Variants in ZSCAN25 observed in about 807,000 individuals in gnomAD.
The protein encoded by ZSCAN25 is zinc finger and SCAN domain-containing protein 25.
Under a neutral mutation model 38.7 loss-of-function variants are expected in ZSCAN25, and 27 were observed. That is an observed-to-expected ratio of 0.70 (90% CI 0.51 to 0.96). The LOEUF is 0.96. ZSCAN25 is among the 40% of genes least tolerant of loss of function. The probability of loss-of-function intolerance (pLI) is 0.00; values close to 1 mark genes in which losing one functional copy is unlikely to be tolerated. For synonymous variants in ZSCAN25, 273 were observed against 277.7 expected (o/e 0.98, Z 0.17); for missense variants, 637 against 705.9 (o/e 0.90, Z 1.11).
the ZSCAN25 span, among the ~76,000 whole-genome samples, chr7:99,645,739 C>T: frequency 6.6e-6 from 1 of 152,094 alleles, no homozygotes; most frequent in Non-Finnish European, 1.5e-5. Context: ...TGATTGTCGT[C>T]CACATGTATG....
chr7:99,659,878 C>G, the ZSCAN25 span: 4 of 149,726 alleles, frequency 2.7e-5, no homozygotes, highest in African/African-American at 1.0e-4. Flanking sequence ...CCGAGCCATG[C>G]GCGGGATATA....
At chr7:99,627,627 A>G (rs1459141571) in intron 7 of ZSCAN25, among the ~76,000 whole-genome samples, 1 of 152,058 alleles carries the variant, frequency 6.6e-6, no homozygotes, top group Non-Finnish European at 1.5e-5. Context: ...AAAAAAGTCC[A>G]GACAATGTGT....
chr7:99,708,917 C>T, the ZSCAN25 span: 14 of 1,225,036 alleles, frequency 1.1e-5, no homozygotes, highest in Non-Finnish European at 1.7e-5. Flanking sequence ...TTGAAAAAAC[C>T]TTTTAAACAT....
chr7:99,640,244 C>T, the ZSCAN25 span, among the ~76,000 whole-genome samples: 2 of 152,154 alleles, frequency 1.3e-5, no homozygotes, highest in African/African-American at 2.4e-5. Context: ...CTGCAACCTC[C>T]GCCTCCCAGG....
chr7:99,651,096 A>C, the ZSCAN25 span, among the ~76,000 whole-genome samples: 1 of 152,202 alleles, frequency 6.6e-6, no homozygotes, highest in African/African-American at 2.4e-5. Flanking sequence ...TCAAAATAAC[A>C]TGATAGTCAG....
At chr7:99,703,467 GTTTT>G in the ZSCAN25 span, among the ~76,000 whole-genome samples, 2 of 151,668 alleles carry the variant, frequency 1.3e-5, no homozygotes, top group Non-Finnish European at 2.9e-5. Flanking sequence ...GAAATATATG[GTTTT>G]TTTTGTACAC....
In ZSCAN25 at chr7:99,629,892, C is replaced by G. The variant is rs1301776104; in HGVS notation, c.1507C>G (p.Arg503Gly). The G allele has an allele frequency of 1.9e-6, 3 of 1,614,038 alleles. No individual in the cohort carries two copies. Among genetic ancestry groups the G allele is most frequent in the African/African-American group, 2.7e-5 (2 of 74,936 alleles). Residue 503 changes from arginine to glycine, a missense_variant, in exon 8 of 8, where the codon CGA (arginine) becomes GGA (glycine). Coordinates refer to ENST00000394152, the MANE Select transcript of ZSCAN25 (RefSeq NM_145115.3). This position sits in a 1 kb window ranked among gnomAD's most constrained non-coding sequence, Gnocchi z 5.6. Reference sequence around the variant, plus strand: ...GTTCAGCAAAGGGGAGCGGCTGGTCCGACACCAGAGAATCCATACAGGGGA... The same window carrying G: ...GTTCAGCAAAGGGGAGCGGCTGGTCGGACACCAGAGAATCCATACAGGGGA... Reference protein sequence around the residue: ...KRFSKGERLVRHQRIHTGEKP... With the variant: ...KRFSKGERLVGHQRIHTGEKP...
chr7:99,726,126 G>A, the ZSCAN25 span, among the ~76,000 whole-genome samples: 6 of 152,010 alleles, frequency 3.9e-5, no homozygotes, highest in African/African-American at 7.2e-5. Flanking sequence ...AGCCTCCTTC[G>A]TGTCTTCCTC....
chr7:99,709,326 G>A, the ZSCAN25 span: 1 of 1,569,136 alleles, frequency 6.4e-7, no homozygotes, highest in Non-Finnish European at 8.7e-7. Flanking sequence ...CTCAGTCCAT[G>A]TAGTACTGTT....
chr7:99,632,986 G>GTTTTTTTGTTTTTTTTTTTTTT (rs201141594), downstream of ZSCAN25, among the ~76,000 whole-genome samples: 1 of 141,482 alleles, frequency 7.1e-6, no homozygotes, highest in African/African-American at 2.8e-5. Flanking sequence ...TGCATTTTCT[G>GTTTTTTTGTTTTTTTTTTTTTT]TTGTTTTTTT....
the ZSCAN25 span, chr7:99,715,203 G>A: frequency 3.4e-5 from 6 of 174,084 alleles, no homozygotes; most frequent in Admixed American, 1.6e-4. Flanking sequence ...AATAGAAACT[G>A]TTTTGAGCTG....
chr7:99,695,828 T>C, the ZSCAN25 span: 2 of 1,613,548 alleles, frequency 1.2e-6, no homozygotes, highest in Admixed American at 1.7e-5. Flanking sequence ...TCCATGTGAA[T>C]GGGCTCCATA....
the ZSCAN25 span, chr7:99,663,909 T>C: frequency 6.5e-7 from 1 of 1,536,508 alleles, no homozygotes; most frequent in South Asian, 1.3e-5. Context: ...CTATCATGTG[T>C]ATAAAATCTA....
the ZSCAN25 span, among the ~76,000 whole-genome samples, chr7:99,692,670 C>T: frequency 4.6e-5 from 7 of 152,118 alleles, no homozygotes; most frequent in South Asian, 6.2e-4. Flanking sequence ...GATATCCTTT[C>T]TTACAGTTGA....
At chr7:99,703,550 C>G in the ZSCAN25 span, among the ~76,000 whole-genome samples, 1 of 152,196 alleles carries the variant, frequency 6.6e-6, no homozygotes, top group African/African-American at 2.4e-5. Context: ...TATCACCTAT[C>G]TACCCATCTA....
chr7:99,684,311 G>C, the ZSCAN25 span, among the ~76,000 whole-genome samples: 1 of 148,708 alleles, frequency 6.7e-6, no homozygotes, highest in African/African-American at 2.4e-5. Context: ...GAGATTATAG[G>C]TGCATACCAC....
At chr7:99,732,239 A>T in the ZSCAN25 span, among the ~76,000 whole-genome samples, 2 of 152,088 alleles carry the variant, frequency 1.3e-5, no homozygotes, top group Non-Finnish European at 2.9e-5. Context: ...TGCTCCAGTC[A>T]TGTAAGATCT....
At chr7:99,660,931 CAG>C in the ZSCAN25 span, among the ~76,000 whole-genome samples, 1 of 152,156 alleles carries the variant, frequency 6.6e-6, no homozygotes, top group Non-Finnish European at 1.5e-5. Flanking sequence ...CTGTAATTTC[CAG>C]AGAGAGCATT....
chr7:99,719,707 G>A, the ZSCAN25 span, among the ~76,000 whole-genome samples: 9 of 152,146 alleles, frequency 5.9e-5, no homozygotes, highest in Admixed American at 2.6e-4. Context: ...GGAGCCATAC[G>A]GAGATGGAAT....
Sources: allele counts gnomAD v4.1 joint callset (sites outside exome capture counted in the v4.1 genomes callset), GRCh38; gene constraint gnomAD v4.1.1; non-coding constraint Gnocchi (gnomAD v3.1); transcripts MANE v1.5; gene names NCBI Gene and HGNC (gene_info 2026-07-23, HGNC 2026-07-21).